The following GRIN2B variants were observed in gnomAD, a reference collection of about 807,000 sequenced individuals.
GRIN2B encodes the protein glutamate receptor ionotropic, NMDA 2B.
A neutral mutation model predicts 114.5 loss-of-function variants in GRIN2B; 5 were observed. The observed-to-expected ratio is 0.04, with a 90% CI of 0.02 to 0.09. The LOEUF (loss-of-function observed/expected upper bound fraction) is 0.09, where lower values mean the gene tolerates loss of function less well. GRIN2B is among the 10% of genes least tolerant of loss of function. GRIN2B has a pLI of 1.00. For synonymous variants in GRIN2B, 787 were observed against 745.1 expected, an observed-to-expected ratio of 1.06 and a Z score of -0.92; for missense variants, 1,108 against 1,943.5, an observed-to-expected ratio of 0.57 and a Z score of 8.08.
intron 4 of GRIN2B, among the ~76,000 whole-genome samples, chr12:13,739,411 G>GAAA (rs1491389331): frequency 5.2e-5 from 5 of 96,566 alleles, no homozygotes; most frequent in Non-Finnish European, 8.5e-5. Context: ...AAGAAGAAAA[G>GAAA]GAAAAAAAAA....
chr12:13,735,658 G>A (rs960454645), intron 4 of GRIN2B, among the ~76,000 whole-genome samples: 6 of 152,186 alleles, frequency 3.9e-5, no homozygotes, highest in African/African-American at 1.4e-4. Flanking sequence ...TGGCCCAACA[G>A]GGCTCTGCTC....
chr12:13,659,783 C>T (rs1194234225), intron 5 of GRIN2B, among the ~76,000 whole-genome samples: 3 of 152,182 alleles, frequency 2.0e-5, no homozygotes, highest in South Asian at 2.1e-4. Context: ...TCTCAAAACC[C>T]TTCCTGATTC....
intron 2 of GRIN2B, among the ~76,000 whole-genome samples, chr12:13,965,275 C>CTTATA (rs1867770619): frequency 6.6e-6 from 1 of 152,148 alleles, no homozygotes; most frequent in East Asian, 1.9e-4. Context: ...ATATTTTTTG[C>CTTATA]AACCTAGTAT....
chr12:13,955,258 T>C (rs1446663310), intron 2 of GRIN2B, among the ~76,000 whole-genome samples: 1 of 152,224 alleles, frequency 6.6e-6, no homozygotes, highest in Non-Finnish European at 1.5e-5. Context: ...TAGCATTCCT[T>C]GTTAGCAGAG....
intron 3 of GRIN2B, among the ~76,000 whole-genome samples, chr12:13,796,628 T>C (rs533868632): frequency 6.6e-6 from 1 of 152,342 alleles, no homozygotes; most frequent in South Asian, 2.1e-4. Context: ...TAAAAAACCT[T>C]TGTGAGATAA....
chr12:13,622,226 T>C (rs1272502191), intron 5 of GRIN2B, among the ~76,000 whole-genome samples: 1 of 152,228 alleles, frequency 6.6e-6, no homozygotes, highest in Non-Finnish European at 1.5e-5. Flanking sequence ...TGAGATGACA[T>C]CTGGATGTAA....
At chr12:13,760,137 T>G (rs1863652215) in intron 3 of GRIN2B, among the ~76,000 whole-genome samples, 1 of 152,198 alleles carries the variant, frequency 6.6e-6, no homozygotes, top group Admixed American at 6.5e-5. Flanking sequence ...TTTTTCTTTT[T>G]CCCATAGCAT....
chr12:13,710,413 C>T (rs1950403449), intron 4 of GRIN2B, among the ~76,000 whole-genome samples: 1 of 152,044 alleles, frequency 6.6e-6, no homozygotes, highest in South Asian at 2.1e-4. Context: ...AAAGGGTATT[C>T]AATTAGGAAA....
chr12:13,567,769 T>C (rs1185011974), intron 12 of GRIN2B, among the ~76,000 whole-genome samples: 2 of 152,020 alleles, frequency 1.3e-5, no homozygotes, highest in African/African-American at 4.8e-5. Flanking sequence ...ACACAAGGCT[T>C]GTTTAAGTAA....
chr12:13,813,589 C>T (rs1203173237), intron 3 of GRIN2B, among the ~76,000 whole-genome samples: 1 of 152,128 alleles, frequency 6.6e-6, no homozygotes, highest in Non-Finnish European at 1.5e-5. Context: ...ATTCTCACTG[C>T]ATCCTAATGA....
intron 3 of GRIN2B, among the ~76,000 whole-genome samples, chr12:13,799,105 A>C (rs1003781987): frequency 6.6e-6 from 1 of 152,034 alleles, no homozygotes; most frequent in Non-Finnish European, 1.5e-5. Context: ...CAGAGCAACC[A>C]CCCATTGCAT....
Position 13,646,935 on chromosome 12 carries a change from TGTGAGCTGTGA to T in GRIN2B, c.1125+28799_1125+28809del, listed in dbSNP as rs1437574419. ...TGAAGAGGGTCGCATGGCCAGGAGC[TGTGAGCTGTGA>T]GTGGTTTCTAAAAGCTGAGGGTTGT... is the stretch of plus-strand genomic sequence containing the variant. On this transcript the variant is annotated intron_variant, in intron 5 of 13. Coordinates refer to ENST00000609686, the MANE Select transcript of GRIN2B (RefSeq NM_000834.5). Among the ~76,000 whole-genome samples the T allele has an allele frequency of 2.6e-5, 4 of 152,232 alleles. No individual in the cohort carries two copies. In the East Asian group the frequency reaches 5.8e-4, roughly 22 times the overall value.
At chr12:13,831,147 A>G (rs190782307) in intron 3 of GRIN2B, among the ~76,000 whole-genome samples, 27 of 152,200 alleles carry the variant, frequency 1.8e-4, no homozygotes, top group Admixed American at 9.2e-4. Flanking sequence ...GCTCCCCTTC[A>G]CCTTCCACCT....
At chr12:13,854,627 G>A (rs574293183) in intron 3 of GRIN2B, among the ~76,000 whole-genome samples, 10 of 149,076 alleles carry the variant, frequency 6.7e-5, no homozygotes, top group Admixed American at 4.0e-4. Flanking sequence ...CAAGGGCCTC[G>A]GTAGTGGAAC....
At chr12:13,931,787 T>C (rs1219273208) in intron 2 of GRIN2B, among the ~76,000 whole-genome samples, 3 of 152,006 alleles carry the variant, frequency 2.0e-5, no homozygotes, top group Middle Eastern at 3.4e-3. Flanking sequence ...ATTCCTCTCT[T>C]TCCTTCATCC....
At chr12:13,686,181 A>T (rs1228997038) in intron 4 of GRIN2B, among the ~76,000 whole-genome samples, 1 of 152,196 alleles carries the variant, frequency 6.6e-6, no homozygotes, top group African/African-American at 2.4e-5. Flanking sequence ...GGTTAGAATA[A>T]AGAGGTTGGG....
At chr12:13,567,321 GAAAAGGGAGAAAGAGGAGTATTGAGCAA>G (rs1948654426) in intron 12 of GRIN2B, 58 bp from the exon 13 acceptor site, 1 of 1,227,462 alleles carries the variant, frequency 8.1e-7, no homozygotes, top group African/African-American at 1.5e-5. Context: ...AAGGAGCAGA[GAAAAGGGAGAAAGAGGAGTATTGAGCAA>G]GAAAGAGAAA....
chr12:13,784,467 G>A (rs769421898), intron 3 of GRIN2B, among the ~76,000 whole-genome samples: 2 of 152,024 alleles, frequency 1.3e-5, no homozygotes, highest in Admixed American at 6.6e-5. Flanking sequence ...CTGTCCCCAG[G>A]TGATAGCTGT....
chr12:13,791,843 T>C (rs1864327368), intron 3 of GRIN2B, among the ~76,000 whole-genome samples: 1 of 152,232 alleles, frequency 6.6e-6, no homozygotes. Flanking sequence ...TATTTTGAAA[T>C]CTGCAAATGG....
Sources: allele counts gnomAD v4.1 joint callset (sites outside exome capture counted in the v4.1 genomes callset), GRCh38; gene constraint gnomAD v4.1.1; transcripts MANE v1.5; gene names NCBI Gene and HGNC (gene_info 2026-07-23, HGNC 2026-07-21).